DTNA: variants seen among roughly 807,000 people sequenced by gnomAD.
The protein encoded by DTNA is dystrophin-related protein 3.
DTNA carries 43 observed loss-of-function variants against 100.7 expected under a neutral mutation model. The ratio of observed to expected loss-of-function variants is 0.43; its 90% CI spans 0.33 to 0.55. The LOEUF is 0.55. DTNA is among the 20% of genes least tolerant of loss of function. DTNA has a pLI of 0.04. For synonymous variants in DTNA, 349 were observed against 347.9 expected (o/e 1.00, Z -0.04); for missense variants, 798 against 953.9 (o/e 0.84, Z 2.15).
chr18:34,651,094 T>C (rs1292064746), intron 1 of DTNA, among the ~76,000 whole-genome samples: 1 of 152,172 alleles, frequency 6.6e-6, no homozygotes, highest in Non-Finnish European at 1.5e-5. Flanking sequence ...GAATGCCCCA[T>C]ATTTTTGTAG....
chr18:34,834,167 G>A (rs2096079241), intron 11 of DTNA, among the ~76,000 whole-genome samples: 1 of 152,046 alleles, frequency 6.6e-6, no homozygotes, highest in Admixed American at 6.6e-5. Flanking sequence ...TTATGTTGCT[G>A]TAAAGGAATG....
chr18:34,672,806 A>G (rs71363463), intron 1 of DTNA, among the ~76,000 whole-genome samples: 15,777 of 152,236 alleles, frequency 0.1, 1,137 homozygotes, highest in African/African-American at 0.2. Context: ...TATGGTATGT[A>G]TATATATGCA....
intron 20 of DTNA, 131 bp downstream of exon 20, chr18:34,879,850 C>A: frequency 8.6e-7 from 1 of 1,167,606 alleles, no homozygotes; most frequent in Non-Finnish European, 1.2e-6. Context: ...TCTGTTCTGC[C>A]AGAGATATAG....
At chr18:34,692,582 G>A (rs1340914947) in intron 1 of DTNA, among the ~76,000 whole-genome samples, 2 of 152,144 alleles carry the variant, frequency 1.3e-5, no homozygotes, top group African/African-American at 4.8e-5. Flanking sequence ...CATTTCCCGA[G>A]GAGTAAGCTA....
In DTNA at chr18:34,525,955, C is replaced by A. The variant is rs144442230; in HGVS notation, c.-2+32441C>A. ...AAGTCCCCTGTTGCCTAGCTCAGTGCTCTTTCTTGTAGTTTACTTAGTGTC... is the reference window on the plus strand; with the variant it reads ...AAGTCCCCTGTTGCCTAGCTCAGTGATCTTTCTTGTAGTTTACTTAGTGTC... On this transcript the variant is annotated intron_variant, in intron 1 of 19. Transcript: ENST00000283365. 3.9e-3 allele frequency among the ~76,000 whole-genome samples: 599 copies of A among 152,278 alleles called. 6 individuals carry two copies. Among genetic ancestry groups the A allele is most frequent in the African/African-American group, 0.014 (579 of 41,572 alleles).
chr18:34,796,696 A>T (rs2094986455), intron 4 of DTNA, among the ~76,000 whole-genome samples: 1 of 152,206 alleles, frequency 6.6e-6, no homozygotes. Context: ...AATAAATAAA[A>T]AAGAAAGGCA....
intron 17 of DTNA, chr18:34,866,143 C>G: frequency 6.2e-7 from 1 of 1,614,116 alleles, no homozygotes; most frequent in Non-Finnish European, 8.5e-7. Flanking sequence ...TAAGTTATGT[C>G]CCCTACTGCA....
chr18:34,622,651 T>C (rs900782630), intron 1 of DTNA, among the ~76,000 whole-genome samples: 1 of 152,168 alleles, frequency 6.6e-6, no homozygotes, highest in African/African-American at 2.4e-5. Context: ...AAGGTGAATA[T>C]GTTATGTATC....
At chr18:34,883,144 C>T (rs796102856) in intron 21 of DTNA, among the ~76,000 whole-genome samples, 3 of 152,268 alleles carry the variant, frequency 2.0e-5, no homozygotes, top group African/African-American at 7.2e-5. Flanking sequence ...TGTTTGTCTT[C>T]CTGGTATGTT....
At chr18:34,680,210 GT>G (rs1377062605) in intron 1 of DTNA, among the ~76,000 whole-genome samples, 2 of 152,022 alleles carry the variant, frequency 1.3e-5, no homozygotes, top group East Asian at 3.9e-4. Flanking sequence ...ATTAAGCTTT[GT>G]TTTGTCTGGC....
intron 1 of DTNA, among the ~76,000 whole-genome samples, chr18:34,521,555 G>C (rs2042150632): frequency 2.6e-5 from 4 of 152,192 alleles, no homozygotes; most frequent in South Asian, 4.2e-4. Context: ...AGGTGACCTT[G>C]CTTGGACCTC....
At chr18:34,851,225 C>T (rs899573443) in intron 14 of DTNA, among the ~76,000 whole-genome samples, 1 of 152,120 alleles carries the variant, frequency 6.6e-6, no homozygotes, top group African/African-American at 2.4e-5. Flanking sequence ...CCTCAGCCCC[C>T]CTAGTAGCTG....
In DTNA at chr18:34,596,917, T is replaced by C. The variant is rs552573063; in HGVS notation, c.-2+103403T>C. Among the ~76,000 whole-genome samples, 8 of 152,230 alleles carry C rather than the reference T, an allele frequency of 5.3e-5. No individual in the cohort carries two copies. The East Asian group carries it at 1.2e-3, about 22-fold the overall frequency. ...GTGCAGAACGTGCAGGTTTGTTACA[T>C]AGGGATACATGTGCCATGGTGGTTT... On this transcript the variant is annotated intron_variant, in intron 1 of 19. Transcript: ENST00000283365.
At chr18:34,776,530 A>AC (rs2094059786) in intron 3 of DTNA, among the ~76,000 whole-genome samples, 3 of 152,042 alleles carry the variant, frequency 2.0e-5, no homozygotes, top group African/African-American at 7.2e-5. Flanking sequence ...TTTAGTAGAG[A>AC]TGGGGTTTCA....
At chr18:34,712,185 GAA>G (rs1294878878) in intron 1 of DTNA, among the ~76,000 whole-genome samples, 1 of 151,932 alleles carries the variant, frequency 6.6e-6, no homozygotes, top group African/African-American at 2.4e-5. Context: ...ACAAAAAAAT[GAA>G]AAGATATACA....
At chr18:34,510,108 TGTTG>T (rs2040900727) in intron 1 of DTNA, among the ~76,000 whole-genome samples, 2 of 150,610 alleles carry the variant, frequency 1.3e-5, no homozygotes, top group Non-Finnish European at 3.0e-5. Context: ...TTTTGGTTGT[TGTTG>T]TTTTTTTTTT....
At chr18:34,750,711 G>A (rs2092233285) in intron 1 of DTNA, among the ~76,000 whole-genome samples, 1 of 152,098 alleles carries the variant, frequency 6.6e-6, no homozygotes, top group Non-Finnish European at 1.5e-5. Flanking sequence ...AAAGTTACAG[G>A]GAAAAGCATT....
chr18:34,800,191 T>C (rs1336295304), intron 4 of DTNA, among the ~76,000 whole-genome samples: 2 of 152,232 alleles, frequency 1.3e-5, no homozygotes, highest in South Asian at 2.1e-4. Flanking sequence ...TTCTCACTTG[T>C]GCATTCATTA....
intron 15 of DTNA, among the ~76,000 whole-genome samples, chr18:34,853,278 T>C (rs1444291629): frequency 6.6e-6 from 1 of 152,214 alleles, no homozygotes; most frequent in Non-Finnish European, 1.5e-5. Context: ...CCAAAACATT[T>C]CCATGCTTAA....
Sources: gnomAD v4.1 joint callset for allele counts (sites outside exome capture counted in the v4.1 genomes callset) on GRCh38, gnomAD v4.1.1 for gene constraint, MANE v1.5 for transcripts, NCBI Gene and HGNC (gene_info 2026-07-23, HGNC 2026-07-21) for gene names.